Variants in RBM45 observed in about 807,000 individuals in gnomAD.
The protein encoded by RBM45 is RNA-binding protein 45.
In RBM45, 39 loss-of-function variants were observed where a neutral mutation model predicts 58.5. The observed-to-expected ratio is 0.67, with a 90% confidence interval of 0.52 to 0.87. The LOEUF (loss-of-function observed/expected upper bound fraction) is 0.87, where lower values mean the gene tolerates loss of function less well. RBM45 is among the 40% of genes least tolerant of loss of function. The pLI is 0.00. For synonymous variants in RBM45, 193 were observed against 203.0 expected (o/e 0.95, Z 0.42); for missense variants, 481 against 581.6 (o/e 0.83, Z 1.78).
At chr2:178,132,554 T>C (rs1461153470), downstream of RBM45, among the ~76,000 whole-genome samples, 1 of 152,174 alleles carries the variant, frequency 6.6e-6, no homozygotes, top group Non-Finnish European at 1.5e-5. Context: ...ATGATGGTGT[T>C]TGAAATGCCT....
chr2:178,136,198 T>A (rs2088043522), intron 3 of RBM45, among the ~76,000 whole-genome samples: 1 of 152,102 alleles, frequency 6.6e-6, no homozygotes, highest in Non-Finnish European at 1.5e-5. Context: ...TAGTCCCAGC[T>A]ACTTGGGAGG....
intron 9 of RBM45, among the ~76,000 whole-genome samples, 198 bp from the exon 10 acceptor site, chr2:178,129,199 C>T (rs2087975172): frequency 6.6e-6 from 1 of 152,196 alleles, no homozygotes; most frequent in African/African-American, 2.4e-5. Flanking sequence ...ATTCACAACA[C>T]TTTCCCTCTA....
rs144152809 is a variant in RBM45 at position 178,118,273 on chromosome 2, G to A, written c.550+92G>A. 1.7e-4 allele frequency: 211 copies of A among 1,213,876 alleles called. 2 individuals are homozygous for A. The East Asian group carries it at 5.0e-3, about 29-fold the overall frequency. The allele number at this position is 1,213,876 out of a possible 1,614,324, so 75.2% of individuals were successfully genotyped here. ...TTAATATTAGTTTTTGCTAATAACT[G>A]TATCTGCTAATGTAATTTTAGCAGT... On this transcript the variant is annotated intron_variant, in intron 3 of 9. Transcript: ENST00000286070.
At chr2:178,122,164 T>G (rs979054807) in intron 5 of RBM45, among the ~76,000 whole-genome samples, 5 of 152,116 alleles carry the variant, frequency 3.3e-5, no homozygotes, top group Admixed American at 1.3e-4. Context: ...AGGTAAGAAT[T>G]AGAGATAATA....
intron 5 of RBM45, among the ~76,000 whole-genome samples, chr2:178,122,597 T>C (rs929179094): frequency 6.6e-6 from 1 of 152,168 alleles, no homozygotes; most frequent in African/African-American, 2.4e-5. Flanking sequence ...GTTCATTTTG[T>C]TTTGTTCCCT....
chr2:178,127,567 T>C (rs914343785), intron 9 of RBM45, among the ~76,000 whole-genome samples: 1 of 152,192 alleles, frequency 6.6e-6, no homozygotes, highest in East Asian at 1.9e-4. Context: ...ATAATCCTAA[T>C]TTTTAAATCT....
intron 1 of RBM45, among the ~76,000 whole-genome samples, chr2:178,114,863 G>C (rs1449030686): frequency 6.6e-6 from 1 of 152,080 alleles, no homozygotes; most frequent in African/African-American, 2.4e-5. Context: ...TCCCATTACA[G>C]TTGTGAGCCA....
At chr2:178,137,030 T>G (rs750413915) in exon 4 of RBM45, 6 of 152,216 alleles carry the variant, frequency 3.9e-5, no homozygotes, top group Admixed American at 6.5e-5. Context: ...GTTTTGGGGT[T>G]GTTTTGTTTT....
chr2:178,124,231 A>G lies in RBM45; in HGVS notation c.1173A>G (p.Arg391=). ...KAPAETPVKE[R]LFIVFNPHPL... ...CTGCTGAAACTCCTGTGAAAGAAAG[A>G]CTTTTTATTGTGTTTAATCCTCATC... Residue 391 remains arginine, a synonymous_variant, in exon 8 of 10, where the codon AGA becomes AGG. Transcript: ENST00000286070. 6.2e-7 allele frequency: 1 copy of G among 1,607,096 alleles called. No homozygotes were observed. The highest frequency in any genetic ancestry group is 8.5e-7 in the Non-Finnish European group (1 of 1,175,964).
At chr2:178,128,321 A>G (rs1302843176) in intron 9 of RBM45, among the ~76,000 whole-genome samples, 1 of 152,080 alleles carries the variant, frequency 6.6e-6, no homozygotes, top group African/African-American at 2.4e-5. Flanking sequence ...TTTGAGGCCC[A>G]GTTTTCTCAT....
Position 178,120,316 on chromosome 2 carries a change from A to G in RBM45, c.580A>G (p.Asn194Asp). The change falls in exon 4 of 10, where the codon AAT becomes GAT. Residue 194 changes from asparagine (N) to aspartate (D), a missense_variant. By Grantham distance (23) the Asn-to-Asp change is conservative. Transcript: ENST00000286070. ...SFRAILAEPK[N>D]KASESSEQDY... is the part of the protein sequence containing the mutation. ...TAGAGCAATCTTGGCTGAACCTAAA[A>G]ATAAAGCATCTGAATCCTCTGAACA... is the stretch of plus-strand genomic sequence containing the variant. 6.2e-7 allele frequency: 1 copy of G among 1,613,272 alleles called. No homozygotes were observed. Among genetic ancestry groups the G allele is most frequent in the Non-Finnish European group, 8.5e-7 (1 of 1,179,620 alleles).
chr2:178,114,575 A>G (rs562674425), intron 1 of RBM45, among the ~76,000 whole-genome samples: 1 of 152,206 alleles, frequency 6.6e-6, no homozygotes, highest in African/African-American at 2.4e-5. Flanking sequence ...ACCTAGCTAG[A>G]CAGTCTAGTT....
At chr2:178,133,259 A>AT (rs2153907412), downstream of RBM45, among the ~76,000 whole-genome samples, 1 of 152,210 alleles carries the variant, frequency 6.6e-6, no homozygotes, top group East Asian at 1.9e-4. Flanking sequence ...TTTAGTGAAT[A>AT]TTTTTTGATG....
At chr2:178,128,394 A>G (rs1436073525) in intron 9 of RBM45, among the ~76,000 whole-genome samples, 1 of 152,194 alleles carries the variant, frequency 6.6e-6, no homozygotes, top group East Asian at 1.9e-4. Context: ...TGCAAGTCTA[A>G]ACTAAAACTC....
chr2:178,125,796 T>TGGTCTGAATGAGAAGAGA, intron 8 of RBM45, 188 bp from the exon 9 acceptor site: 1 of 709,510 alleles, frequency 1.4e-6, no homozygotes, highest in Non-Finnish European at 2.6e-6. Flanking sequence ...GAAAAGATGA[T>TGGTCTGAATGAGAAGAGA]GGTCTGAATG....
chr2:178,134,696 A>G (rs1398550904), intron 3 of RBM45, among the ~76,000 whole-genome samples: 1 of 152,174 alleles, frequency 6.6e-6, no homozygotes, highest in Non-Finnish European at 1.5e-5. Flanking sequence ...CTCTTTGTCA[A>G]CAAAGCCTAT....
chr2:178,121,235 A>G lies in RBM45; in HGVS notation c.729A>G (p.Ala243=), dbSNP rs747255944. The change falls in exon 5 of 10, where the codon GCA becomes GCG. Residue 243 remains alanine (A), a synonymous_variant. Coordinates refer to ENST00000286070, the MANE Select transcript of RBM45 (RefSeq NM_152945.4). ...FDKNDSRGQE[A]ISKRLSVVSR... ...AGAATGATAGCCGAGGCCAGGAAGC[A>G]ATCTCCAAACGCTTGTCAGTTGTAT... 2 of 1,584,708 alleles carry G rather than the reference A, an allele frequency of 1.3e-6. No homozygotes were observed. Among genetic ancestry groups the G allele is most frequent in the Admixed American group, 3.6e-5 (2 of 56,300 alleles).
At chr2:178,138,419 C>T (rs1175030225) in exon 4 of RBM45, 1 of 152,196 alleles carries the variant, frequency 6.6e-6, no homozygotes, top group South Asian at 2.1e-4. Context: ...AACAATAACT[C>T]GTTTTAATAG....
chr2:178,123,813 A>T lies in RBM45; in HGVS notation c.984-15A>T. On this transcript the variant is annotated splice_polypyrimidine_tract_variant and intron_variant, in intron 6 of 9. Transcript: ENST00000286070. Reference sequence around the variant, plus strand: ...TATTTTTAGTTTTCTGTAAATTATCAGTTATTTTTTCCAGTCTCCTTAGAA... The same window carrying T: ...TATTTTTAGTTTTCTGTAAATTATCTGTTATTTTTTCCAGTCTCCTTAGAA... 2 of 1,612,476 alleles carry T rather than the reference A, an allele frequency of 1.2e-6. No individual in the cohort carries two copies. Among genetic ancestry groups the T allele is most frequent in the Non-Finnish European group, 1.7e-6 (2 of 1,179,286 alleles).
Sources: gnomAD v4.1 joint callset for allele counts (sites outside exome capture counted in the v4.1 genomes callset) on GRCh38, gnomAD v4.1.1 for gene constraint, MANE v1.5 for transcripts, NCBI Gene and HGNC (gene_info 2026-07-23, HGNC 2026-07-21) for gene names.